The following BLVRA variants were observed in gnomAD, a reference collection of about 807,000 sequenced individuals.
BLVRA encodes biliverdin reductase A.
A neutral mutation model predicts 32.8 loss-of-function variants in BLVRA; 22 were observed. The ratio of observed to expected loss-of-function variants is 0.67; its 90% CI spans 0.48 to 0.96. The LOEUF (loss-of-function observed/expected upper bound fraction) is 0.96, where lower values mean the gene tolerates loss of function less well. Ranked by LOEUF, BLVRA falls within the 40% of genes least tolerant of loss-of-function variation. The probability of loss-of-function intolerance (pLI) is 0.00; values close to 1 mark genes in which losing one functional copy is unlikely to be tolerated. For synonymous variants in BLVRA, 119 were observed against 141.3 expected, an observed-to-expected ratio of 0.84 and a Z score of 1.12; for missense variants, 323 against 358.1, an observed-to-expected ratio of 0.90 and a Z score of 0.79.
At chr7:43,784,598 C>CTTTTTTTTTTTTTTTTTTTTTTTTTT (rs5883874) in intron 2 of BLVRA, among the ~76,000 whole-genome samples, 1 of 85,240 alleles carries the variant, frequency 1.2e-5, no homozygotes, top group Non-Finnish European at 2.1e-5. Context: ...TCACTCATAT[C>CTTTTTTTTTTTTTTTTTTTTTTTTTT]TTTTTTTTTT....
chr7:43,770,769 C>G (rs1440297617), intron 1 of BLVRA, among the ~76,000 whole-genome samples: 2 of 152,158 alleles, frequency 1.3e-5, no homozygotes, highest in African/African-American at 2.4e-5. Flanking sequence ...CCTTGCTTGT[C>G]CCCATTTAAA....
intron 2 of BLVRA, among the ~76,000 whole-genome samples, chr7:43,786,262 A>G (rs2132572021): frequency 6.6e-6 from 1 of 152,362 alleles, no homozygotes; most frequent in African/African-American, 2.4e-5. Flanking sequence ...AAAATAAATT[A>G]TAGGGCAAAA....
intron 1 of BLVRA, among the ~76,000 whole-genome samples, chr7:43,759,430 C>G (rs2095739898): frequency 6.6e-6 from 1 of 152,176 alleles, no homozygotes; most frequent in Non-Finnish European, 1.5e-5. Context: ...ATTTTTTTCA[C>G]TTAACGTTCA....
intron 2 of BLVRA, among the ~76,000 whole-genome samples, chr7:43,775,756 A>T (rs1267725377): frequency 1.3e-5 from 2 of 152,220 alleles, no homozygotes; most frequent in African/African-American, 4.8e-5. Context: ...TTTGGCTGTG[A>T]ATCCATCTCG....
rs1319287372 is a variant in BLVRA at position 43,791,347 on chromosome 7, C to G, written c.233C>G (p.Ser78Cys). The G allele has an allele frequency of 6.2e-7, 1 of 1,614,040 alleles. No homozygotes were observed. Among genetic ancestry groups the G allele is most frequent in the East Asian group, 2.2e-5 (1 of 44,892 alleles). ...VEVAYICSES[S>C]SHEDYIRQFL... is the part of the protein sequence containing the mutation. Reference sequence around the variant, plus strand: ...GTCGCCTATATCTGCAGTGAGAGCTCCAGCCATGAGGACTACATCAGGTGG... The same window carrying G: ...GTCGCCTATATCTGCAGTGAGAGCTGCAGCCATGAGGACTACATCAGGTGG... Residue 78 changes from serine (S) to cysteine (C), a missense_variant, in exon 4 of 8, where the codon TCC (serine) becomes TGC (cysteine). Coordinates refer to ENST00000265523, the MANE Select transcript of BLVRA (RefSeq NM_000712.4).
At chr7:43,763,731 G>T (rs1163941124) in intron 1 of BLVRA, among the ~76,000 whole-genome samples, 2 of 152,102 alleles carry the variant, frequency 1.3e-5, no homozygotes, top group Admixed American at 1.3e-4. Context: ...TGTTTGTTGT[G>T]CTAAAACAAA....
At chr7:43,763,948 T>C (rs2095745083) in intron 1 of BLVRA, among the ~76,000 whole-genome samples, 1 of 152,190 alleles carries the variant, frequency 6.6e-6, no homozygotes, top group South Asian at 2.1e-4. Flanking sequence ...AAGAACATGA[T>C]ATAGTCAGTG....
At chr7:43,769,426 T>G (rs1221694869) in intron 1 of BLVRA, among the ~76,000 whole-genome samples, 1 of 152,174 alleles carries the variant, frequency 6.6e-6, no homozygotes, top group Non-Finnish European at 1.5e-5. Context: ...TTCTGCTTTT[T>G]GGAGTTTTTC....
intron 6 of BLVRA, among the ~76,000 whole-genome samples, chr7:43,801,865 T>C (rs778275053): frequency 6.6e-6 from 1 of 152,128 alleles, no homozygotes; most frequent in African/African-American, 2.4e-5. Flanking sequence ...CTGGGCATAG[T>C]GGCTCACGCC....
chr7:43,760,517 AG>A (rs1395165368), intron 1 of BLVRA, among the ~76,000 whole-genome samples: 10 of 152,154 alleles, frequency 6.6e-5, no homozygotes, highest in Non-Finnish European at 1.5e-4. Flanking sequence ...TATATTTATC[AG>A]TAGTAACAGG....
At chr7:43,767,688 G>A in intron 1 of BLVRA, 1 of 539,560 alleles carries the variant, frequency 1.9e-6, no homozygotes, top group South Asian at 1.6e-5. Context: ...AAAATTGAAA[G>A]AACATGTTAA....
chr7:43,790,135 G>T (rs901904665), intron 3 of BLVRA, among the ~76,000 whole-genome samples: 3 of 152,108 alleles, frequency 2.0e-5, no homozygotes, highest in Middle Eastern at 3.4e-3. Context: ...CGGGCTGAGG[G>T]CCTTCTGCTT....
At chr7:43,764,676 A>G (rs1195035074) in intron 1 of BLVRA, among the ~76,000 whole-genome samples, 1 of 152,144 alleles carries the variant, frequency 6.6e-6, no homozygotes, top group Non-Finnish European at 1.5e-5. Context: ...CCTGAGCCTC[A>G]ACCTAGTTTG....
At chr7:43,776,720 T>C (rs1216052032) in intron 2 of BLVRA, among the ~76,000 whole-genome samples, 5 of 152,064 alleles carry the variant, frequency 3.3e-5, no homozygotes, top group Non-Finnish European at 7.4e-5. Context: ...TCTCGTTGAT[T>C]TGTCTAATGT....
At chr7:43,789,486 A>G (rs886997080) in intron 3 of BLVRA, among the ~76,000 whole-genome samples, 1 of 152,200 alleles carries the variant, frequency 6.6e-6, no homozygotes, top group Non-Finnish European at 1.5e-5. Context: ...ATGGGAGAGC[A>G]AAGTTAAGAT....
At chr7:43,794,264 CCAGA>C (rs2095789363) in intron 5 of BLVRA, among the ~76,000 whole-genome samples, 1 of 152,026 alleles carries the variant, frequency 6.6e-6, no homozygotes. Context: ...AAAGACCTAC[CCAGA>C]CAAACAAAAA....
At chr7:43,767,208 A>G in intron 1 of BLVRA, 1 of 634,406 alleles carries the variant, frequency 1.6e-6, no homozygotes, top group Admixed American at 2.6e-5. Context: ...CCACTTTTAT[A>G]GGAAAACTTT....
chr7:43,807,075 T>C lies in BLVRA; in HGVS notation c.731T>C (p.Val244Ala), dbSNP rs753126635. ...KSGSLENVPN[V>A]GVNKNIFLKD... ...GGGTCCTTGGAGAATGTGCCAAATG[T>C]AGGAGTGAATAAGAACATATTTCTG... Residue 244 changes from valine (V) to alanine (A), a missense_variant, in exon 8 of 8, where the codon GTA becomes GCA. By Grantham distance (64) the Val-to-Ala change is moderately conservative (BLOSUM62 0). Coordinates refer to ENST00000265523, the MANE Select transcript of BLVRA (RefSeq NM_000712.4). 1.9e-6 allele frequency: 3 copies of C among 1,614,202 alleles called. No individual in the cohort carries two copies. Among genetic ancestry groups the C allele is most frequent in the Non-Finnish European group, 2.5e-6 (3 of 1,180,026 alleles).
chr7:43,802,348 C>T (rs2095799545), intron 6 of BLVRA, among the ~76,000 whole-genome samples: 1 of 152,072 alleles, frequency 6.6e-6, no homozygotes, highest in Admixed American at 6.6e-5. Context: ...AAGTGAATAT[C>T]AAGGTCATAA....
Sources: allele counts gnomAD v4.1 joint callset (sites outside exome capture counted in the v4.1 genomes callset), GRCh38; gene constraint gnomAD v4.1.1; transcripts MANE v1.5; gene names NCBI Gene and HGNC (gene_info 2026-07-23, HGNC 2026-07-21).